The following ASCC3 variants were observed in gnomAD, a reference collection of about 807,000 sequenced individuals.
The protein encoded by ASCC3 is ASC-1 complex subunit P200.
Under a neutral mutation model 256.3 loss-of-function variants are expected in ASCC3, and 158 were observed. The ratio of observed to expected loss-of-function variants is 0.62; its 90% confidence interval spans 0.54 to 0.70. ASCC3 has a LOEUF of 0.70. Ranked by LOEUF, ASCC3 falls within the 30% of genes least tolerant of loss-of-function variation. The probability of loss-of-function intolerance (pLI) is 0.00; values close to 1 mark genes in which losing one functional copy is unlikely to be tolerated. For missense variants in ASCC3, 2,259 were observed against 2,626.0 expected (o/e 0.86, Z 3.05); for synonymous variants, 948 against 883.4 (o/e 1.07, Z -1.30).
intron 13 of ASCC3, among the ~76,000 whole-genome samples, chr6:100,682,741 C>A (rs1424980306): frequency 6.6e-6 from 1 of 152,144 alleles, no homozygotes; most frequent in Non-Finnish European, 1.5e-5. Flanking sequence ...TCCTATCATT[C>A]CAAGATTAAA....
chr6:100,752,365 C>T (rs188334026), intron 10 of ASCC3, among the ~76,000 whole-genome samples: 4 of 152,124 alleles, frequency 2.6e-5, no homozygotes, highest in Admixed American at 2.6e-4. Context: ...ACATTTAAAG[C>T]ACATTTAAAC....
At chr6:100,790,062 G>T (rs765159024) in intron 8 of ASCC3, among the ~76,000 whole-genome samples, 16 of 151,820 alleles carry the variant, frequency 1.1e-4, no homozygotes, top group Admixed American at 2.0e-4. Context: ...TTATGTGAAG[G>T]GTTCCCAGAT....
chr6:100,836,070 T>C (rs1368091841), intron 4 of ASCC3, among the ~76,000 whole-genome samples: 5 of 152,178 alleles, frequency 3.3e-5, no homozygotes. Flanking sequence ...AATGCATTAA[T>C]ATACAAATGA....
chr6:100,764,611 A>G (rs1476981672), intron 10 of ASCC3, among the ~76,000 whole-genome samples: 1 of 152,146 alleles, frequency 6.6e-6, no homozygotes, highest in African/African-American at 2.4e-5. Flanking sequence ...ACTCCTTTGT[A>G]ATCTTTAAAA....
intron 8 of ASCC3, among the ~76,000 whole-genome samples, chr6:100,797,460 C>CAAAAAAAAAAAAAAAATAAAAAAAAAAAA (rs1769679611): frequency 1.2e-5 from 1 of 86,026 alleles, no homozygotes; most frequent in Non-Finnish European, 2.4e-5. Context: ...AACTCGTTCT[C>CAAAAAAAAAAAAAAAATAAAAAAAAAAAA]AAAAAAAAAA....
intron 10 of ASCC3, among the ~76,000 whole-genome samples, chr6:100,739,866 AT>A (rs1311614994): frequency 6.6e-6 from 1 of 151,738 alleles, no homozygotes; most frequent in African/African-American, 2.4e-5. Context: ...AATTTTGTTA[AT>A]TTTTTTAAAA....
At chr6:100,720,576 T>C (rs1362475854) in intron 11 of ASCC3, among the ~76,000 whole-genome samples, 1 of 151,768 alleles carries the variant, frequency 6.6e-6, no homozygotes, top group East Asian at 1.9e-4. Flanking sequence ...AGGGGAAAGA[T>C]CAAATAGTTT....
intron 36 of ASCC3, among the ~76,000 whole-genome samples, chr6:100,585,901 C>T (rs897134812): frequency 7.2e-5 from 11 of 152,170 alleles, no homozygotes; most frequent in South Asian, 2.1e-4. Context: ...AGCAGTTTTT[C>T]GTGAACCGCG....
intron 10 of ASCC3, among the ~76,000 whole-genome samples, chr6:100,759,764 A>T (rs937887758): frequency 2.6e-5 from 4 of 152,122 alleles, no homozygotes; most frequent in African/African-American, 4.8e-5. Context: ...CCATTTTCAC[A>T]ATATTGATTC....
At chr6:100,546,368 T>C (rs1309338620) in intron 36 of ASCC3, among the ~76,000 whole-genome samples, 4 of 152,168 alleles carry the variant, frequency 2.6e-5, no homozygotes, top group African/African-American at 7.2e-5. Context: ...AATTGACAAG[T>C]TGATTCTAAA....
chr6:100,523,647 C>T (rs1002908996), intron 37 of ASCC3, among the ~76,000 whole-genome samples: 9 of 152,132 alleles, frequency 5.9e-5, no homozygotes, highest in Admixed American at 2.0e-4. Context: ...ACATCTATTT[C>T]GAATCAATTT....
At chr6:100,616,867 G>A (rs2114837456) in intron 30 of ASCC3, among the ~76,000 whole-genome samples, 1 of 147,842 alleles carries the variant, frequency 6.8e-6, no homozygotes, top group Non-Finnish European at 1.5e-5. Context: ...GAAACACAGA[G>A]GTGTTGAGGG....
chr6:100,565,611 C>A (rs1258833947), intron 36 of ASCC3, among the ~76,000 whole-genome samples: 1 of 152,030 alleles, frequency 6.6e-6, no homozygotes, highest in Non-Finnish European at 1.5e-5. Context: ...TTTTTACAGA[C>A]CGTCACTCCC....
chr6:100,746,345 T>A (rs7771094), intron 10 of ASCC3, among the ~76,000 whole-genome samples: 2,950 of 152,114 alleles, frequency 0.019, 89 homozygotes, highest in African/African-American at 0.068. Flanking sequence ...TAATAACTTG[T>A]GACTAGATAT....
chr6:100,674,697 A>T (rs949010249), intron 14 of ASCC3, among the ~76,000 whole-genome samples: 8 of 146,836 alleles, frequency 5.4e-5, no homozygotes, highest in African/African-American at 1.8e-4. Flanking sequence ...CAGTGGCGCG[A>T]TCTTGGCTCA....
At chr6:100,793,118 T>G (rs1207541847) in intron 8 of ASCC3, among the ~76,000 whole-genome samples, 1 of 152,012 alleles carries the variant, frequency 6.6e-6, no homozygotes, top group Non-Finnish European at 1.5e-5. Context: ...TAGTTTCTAA[T>G]TAACTGATAG....
chr6:100,535,852 C>G (rs558408491), intron 37 of ASCC3, among the ~76,000 whole-genome samples: 3 of 152,038 alleles, frequency 2.0e-5, no homozygotes, highest in African/African-American at 4.8e-5. Flanking sequence ...ATGGTCAAAA[C>G]GAATGCTTAT....
chr6:100,830,202 C>T (rs552902416), intron 4 of ASCC3, among the ~76,000 whole-genome samples: 11 of 151,624 alleles, frequency 7.3e-5, no homozygotes, highest in East Asian at 3.9e-4. Flanking sequence ...AAGTAGGAGA[C>T]GGCATTTAGA....
intron 4 of ASCC3, among the ~76,000 whole-genome samples, chr6:100,812,967 TAGAA>T (rs1770551246): frequency 1.9e-5 from 1 of 51,614 alleles, no homozygotes; most frequent in African/African-American, 4.7e-5. Flanking sequence ...GACAGACAGA[TAGAA>T]AGACAGATAG....
Sources: gnomAD v4.1 joint callset for allele counts (sites outside exome capture counted in the v4.1 genomes callset) on GRCh38, gnomAD v4.1.1 for gene constraint, MANE v1.5 for transcripts, NCBI Gene and HGNC (gene_info 2026-07-23, HGNC 2026-07-21) for gene names.